The following ROS1 variants were observed in gnomAD, a reference collection of about 807,000 sequenced individuals.
ROS1 encodes the protein proto-oncogene tyrosine-protein kinase ROS.
Under a neutral mutation model 273.5 loss-of-function variants are expected in ROS1, and 263 were observed. The observed-to-expected ratio is 0.96, with a 90% confidence interval of 0.87 to 1.06. The LOEUF (loss-of-function observed/expected upper bound fraction) is 1.06. Ranked by LOEUF, ROS1 falls within the 50% of genes least tolerant of loss-of-function variation. The probability of loss-of-function intolerance (pLI) is 0.00; values close to 1 mark genes in which losing one functional copy is unlikely to be tolerated. For missense variants in ROS1, 2,833 were observed against 2,751.1 expected, an observed-to-expected ratio of 1.03 and a Z score of -0.67; for synonymous variants, 1,008 against 954.1, an observed-to-expected ratio of 1.06 and a Z score of -1.04.
In ROS1 at chr6:117,397,598, C is replaced by T. The variant is rs1382906633; in HGVS notation, c.605-482G>A. ...ATGTGGGTTCAGACAAGCTGGAATTCGAACAGTTGGCTTCACTTTTGTTGG... is the reference window on the plus strand; with the variant it reads ...ATGTGGGTTCAGACAAGCTGGAATTTGAACAGTTGGCTTCACTTTTGTTGG... On this transcript the variant is annotated intron_variant, in intron 7 of 43. Coordinates refer to ENST00000368507, the MANE Select transcript of ROS1 (RefSeq NM_001378902.1). Among the ~76,000 whole-genome samples, 7 of 152,292 alleles carry T rather than the reference C, an allele frequency of 4.6e-5. No individual in the cohort carries two copies. The South Asian group carries it at 6.2e-4, about 14-fold the overall frequency.
intron 27 of ROS1, among the ~76,000 whole-genome samples, chr6:117,349,656 C>A (rs1433962492): frequency 3.9e-5 from 6 of 151,938 alleles, no homozygotes; most frequent in Non-Finnish European, 8.8e-5. Context: ...CTTTTGTCTT[C>A]CACTTTTTTT....
intron 39 of ROS1, among the ~76,000 whole-genome samples, chr6:117,313,745 A>G (rs763151570): frequency 2.6e-5 from 4 of 152,148 alleles, no homozygotes; most frequent in African/African-American, 7.2e-5. Flanking sequence ...GCAGGGAGAA[A>G]GAGAAAAAGG....
chr6:117,314,984 G>A (rs1165135016), intron 39 of ROS1, among the ~76,000 whole-genome samples: 1 of 152,000 alleles, frequency 6.6e-6, no homozygotes, highest in Non-Finnish European at 1.5e-5. Flanking sequence ...AAACAAAGAG[G>A]AACAAGGAAG....
chr6:117,358,188 A>G (rs2128646166), intron 24 of ROS1, among the ~76,000 whole-genome samples, 179 bp from the exon 25 acceptor site: 2 of 152,324 alleles, frequency 1.3e-5, no homozygotes, highest in Middle Eastern at 6.8e-3. Flanking sequence ...TTCCTAAATG[A>G]TTTTAACTAT....
At chr6:117,408,855 A>T (rs1562378723) in intron 5 of ROS1, among the ~76,000 whole-genome samples, 1 of 152,190 alleles carries the variant, frequency 6.6e-6, no homozygotes, top group Non-Finnish European at 1.5e-5. Flanking sequence ...AAAACGTGGC[A>T]CACATACACC....
In ROS1 at chr6:117,303,769, A is replaced by G. The variant is rs900194791; in HGVS notation, c.6552-2632T>C. Reference sequence around the variant, plus strand: ...ATAAAGGGGCAGGTTGGAAACTATTAAAGAAGACTAGATGAGAGATAATGA... The same window carrying G: ...ATAAAGGGGCAGGTTGGAAACTATTGAAGAAGACTAGATGAGAGATAATGA... On this transcript the variant is annotated intron_variant, in intron 42 of 43. Transcript: ENST00000368507. Among the ~76,000 whole-genome samples the G allele has an allele frequency of 2.0e-5, 3 of 152,216 alleles. No homozygotes were observed. The East Asian group carries it at 5.8e-4, about 29-fold the overall frequency.
At chr6:117,348,517 T>C (rs1424993880) in intron 27 of ROS1, among the ~76,000 whole-genome samples, 3 of 151,962 alleles carry the variant, frequency 2.0e-5, no homozygotes, top group South Asian at 2.1e-4. Flanking sequence ...TTATTTATCT[T>C]TTCAAAGAAC....
At chr6:117,386,750 A>G (rs1308574922) in intron 15 of ROS1, 139 bp downstream of exon 15, 1 of 487,396 alleles carries the variant, frequency 2.1e-6, no homozygotes, top group African/African-American at 1.9e-5. Context: ...AATCACTGGC[A>G]GTAGAGTTCA....
chr6:117,414,092 A>C (rs3777981), intron 4 of ROS1, among the ~76,000 whole-genome samples: 87,612 of 151,934 alleles, frequency 0.58, 27,107 homozygotes, highest in African/African-American at 0.81. Flanking sequence ...ATTCTCTTTT[A>C]ATGTCCTATA....
intron 12 of ROS1, 57 bp from the exon 13 acceptor site, chr6:117,389,903 C>T: frequency 6.8e-7 from 1 of 1,467,018 alleles, no homozygotes; most frequent in Non-Finnish European, 9.3e-7. Flanking sequence ...GATGAGTAAC[C>T]TCCTCAGCTA....
In ROS1 at chr6:117,425,515, A is replaced by G. The variant is rs1410140745; in HGVS notation, c.123+19T>C. 8 of 1,572,818 alleles carry G rather than the reference A, an allele frequency of 5.1e-6. No homozygotes were observed. Among genetic ancestry groups the G allele is most frequent in the Admixed American group, 2.0e-5 (1 of 49,330 alleles). ...TGTTCTAGTTCCTGCAAAGACAAAT[A>G]TTAGATTGTGAGACTTACCAGATTA... On this transcript the variant is annotated intron_variant, in intron 1 of 43. Transcript: ENST00000368507.
At position 117,337,171 on chromosome 6, in the gene ROS1, C is replaced by T. The variant is rs573549832; in HGVS notation, c.5230+1G>A. 1 of 1,610,694 alleles carries T rather than the reference C, an allele frequency of 6.2e-7. No homozygotes were observed. Among genetic ancestry groups the T allele is most frequent in the East Asian group, 2.2e-5 (1 of 44,740 alleles). On this transcript the variant is annotated splice_donor_variant, in intron 32 of 43. Coordinates refer to ENST00000368507, the MANE Select transcript of ROS1 (RefSeq NM_001378902.1). LOFTEE classifies it high-confidence loss of function. ...TGAGTATTGAGTATGTTAGTACTCACCTTTTGTCTTAAAGCTTTCTGGAAG... is the reference window on the plus strand; with the variant it reads ...TGAGTATTGAGTATGTTAGTACTCATCTTTTGTCTTAAAGCTTTCTGGAAG...
intron 32 of ROS1, among the ~76,000 whole-genome samples, chr6:117,332,139 A>G (rs1471239980): frequency 1.3e-5 from 2 of 150,948 alleles, no homozygotes; most frequent in Non-Finnish European, 3.0e-5. Flanking sequence ...AAAGGGATTG[A>G]GGAAAATTTA....
intron 16 of ROS1, among the ~76,000 whole-genome samples, chr6:117,384,694 C>T (rs1459739027): frequency 6.6e-6 from 1 of 152,146 alleles, no homozygotes; most frequent in Non-Finnish European, 1.5e-5. Flanking sequence ...GCCTCTAGGT[C>T]TAATTCCCAC....
At chr6:117,398,278 A>G (rs1478154745) in intron 7 of ROS1, among the ~76,000 whole-genome samples, 1 of 140,104 alleles carries the variant, frequency 7.1e-6, no homozygotes, top group East Asian at 2.0e-4. Flanking sequence ...CCCACCGAAA[A>G]AAAAACAACA....
At position 117,310,225 on chromosome 6, in the gene ROS1, A is replaced by G. The variant is rs753277535; in HGVS notation, c.6272T>C (p.Ile2091Thr). ...VSVKDYTSPRIVKIGDFGLAR... is the reference protein window; with the variant it reads ...VSVKDYTSPRTVKIGDFGLAR... ...GAGTCCAAAGTCTCCAATCTTCACT[A>G]TCCGTGGACTGGTATAGTCTTTCAC... Residue 2091 changes from isoleucine to threonine, a missense_variant, in exon 41 of 44, where the codon ATA becomes ACA. Ile to Thr is a moderately conservative substitution (Grantham distance 89, BLOSUM62 -1). Coordinates refer to ENST00000368507, the MANE Select transcript of ROS1 (RefSeq NM_001378902.1). 1 of 1,613,300 alleles carries G rather than the reference A, an allele frequency of 6.2e-7. No individual in the cohort carries two copies. Among genetic ancestry groups the G allele is most frequent in the South Asian group, 1.1e-5 (1 of 91,062 alleles).
intron 21 of ROS1, among the ~76,000 whole-genome samples, chr6:117,363,773 ACTG>A (rs1779991112): frequency 6.6e-6 from 1 of 152,134 alleles, no homozygotes. Flanking sequence ...ACTCTATGCC[ACTG>A]CTGCTCAGGT....
intron 7 of ROS1, among the ~76,000 whole-genome samples, chr6:117,401,082 T>C (rs1259666168): frequency 6.6e-6 from 1 of 152,338 alleles, no homozygotes; most frequent in East Asian, 1.9e-4. Context: ...TTAGCAACTT[T>C]GATTTTCCCA....
At chr6:117,405,755 C>G (rs1405579606) in intron 5 of ROS1, among the ~76,000 whole-genome samples, 1 of 152,094 alleles carries the variant, frequency 6.6e-6, no homozygotes, top group East Asian at 1.9e-4. Flanking sequence ...GAGCTCCATC[C>G]TATTTTCAGT....
Sources: gnomAD v4.1 joint callset for allele counts (sites outside exome capture counted in the v4.1 genomes callset) on GRCh38, gnomAD v4.1.1 for gene constraint, MANE v1.5 for transcripts, NCBI Gene and HGNC (gene_info 2026-07-23, HGNC 2026-07-21) for gene names.